The following TRHDE variants were observed in gnomAD, a reference collection of about 807,000 sequenced individuals.
TRHDE encodes the protein thyrotropin releasing hormone degrading enzyme.
In TRHDE, 72 loss-of-function variants were observed where a neutral mutation model predicts 125.7. The observed-to-expected ratio is 0.57, with a 90% CI of 0.47 to 0.70. The LOEUF is 0.70. Among genes scored for constraint, TRHDE ranks in the 30% least tolerant of loss-of-function variants. TRHDE has a pLI of 0.00. For synonymous variants in TRHDE, 509 were observed against 509.1 expected (o/e 1.00, Z 0.00); for missense variants, 1,110 against 1,327.1 (o/e 0.84, Z 2.54).
chr12:72,180,857 A>T (rs1176663940), intron 2 of TRHDE, among the ~76,000 whole-genome samples: 1 of 152,170 alleles, frequency 6.6e-6, no homozygotes, highest in South Asian at 2.1e-4. Context: ...TGATTCTTCA[A>T]TGACCCTGAC....
intron 3 of TRHDE, among the ~76,000 whole-genome samples, chr12:72,427,216 A>G (rs1874227623): frequency 6.6e-6 from 1 of 152,028 alleles, no homozygotes; most frequent in African/African-American, 2.4e-5. Context: ...TGATCTAGAC[A>G]GTAGTATTAC....
At chr12:72,209,860 TGC>T (rs1360848698) in intron 2 of TRHDE, among the ~76,000 whole-genome samples, 1 of 152,236 alleles carries the variant, frequency 6.6e-6, no homozygotes, top group Non-Finnish European at 1.5e-5. Context: ...TGTTTTCTGA[TGC>T]ATTTATGCAA....
chr12:72,454,503 T>C (rs550813266), intron 3 of TRHDE, among the ~76,000 whole-genome samples: 2 of 152,288 alleles, frequency 1.3e-5, no homozygotes, highest in East Asian at 3.9e-4. Flanking sequence ...CCTTGATACA[T>C]GAACAGAAGA....
intron 2 of TRHDE, among the ~76,000 whole-genome samples, chr12:72,139,105 A>T (rs1045817089): frequency 1.3e-5 from 2 of 152,214 alleles, no homozygotes; most frequent in African/African-American, 4.8e-5. Flanking sequence ...GTACCTGGTA[A>T]TATATTAGGA....
chr12:72,383,470 G>A (rs753309051), intron 3 of TRHDE, among the ~76,000 whole-genome samples: 37 of 143,334 alleles, frequency 2.6e-4, no homozygotes, highest in African/African-American at 7.2e-4. Flanking sequence ...TCCGCCTTCC[G>A]GGTTCAGCTG....
chr12:72,373,172 C>T (rs1258983899), intron 2 of TRHDE, among the ~76,000 whole-genome samples: 1 of 152,132 alleles, frequency 6.6e-6, no homozygotes, highest in African/African-American at 2.4e-5. Context: ...GGAGTTCACT[C>T]ATGATTTGGC....
intron 2 of TRHDE, among the ~76,000 whole-genome samples, chr12:72,150,548 C>A (rs531111687): frequency 4.7e-5 from 5 of 107,518 alleles, no homozygotes; most frequent in South Asian, 7.6e-4. Flanking sequence ...TCCCTCCCCC[C>A]ACCCCCCACC....
rs1348471310 is a variant in TRHDE, at chr12:72,664,568, C to T, written c.*1373C>T. The T allele has an allele frequency of 6.6e-6, 1 of 152,118 alleles. No individual in the cohort carries two copies. Among genetic ancestry groups the T allele is most frequent in the African/African-American group, 2.4e-5 (1 of 41,422 alleles). 9.4% of individuals were successfully genotyped at this position (152,118 alleles called of 1,614,324 possible). A position where few individuals can be genotyped will look rare whatever the true frequency, so the allele number is the denominator to read the frequency against. On this transcript the variant is annotated 3_prime_UTR_variant, in exon 19 of 19. Coordinates refer to ENST00000261180, the MANE Select transcript of TRHDE (RefSeq NM_013381.3). ...CAAATGTTTTTAAATGGTATTCTCA[C>T]CCAGTAGGCCAGCTCTCCAAACGTT...
intron 2 of TRHDE, among the ~76,000 whole-genome samples, chr12:72,317,533 T>C (rs1326577026): frequency 6.6e-6 from 1 of 152,178 alleles, no homozygotes; most frequent in African/African-American, 2.4e-5. Context: ...GTTGCTGTGT[T>C]CTCATAGCAA....
intron 15 of TRHDE, among the ~76,000 whole-genome samples, chr12:72,628,482 C>A (rs1168894552): frequency 1.3e-5 from 2 of 151,816 alleles, no homozygotes; most frequent in African/African-American, 4.8e-5. Flanking sequence ...AGAATCCGTA[C>A]TGAAACAAGA....
At chr12:72,245,890 TA>T (rs1257420793) in intron 2 of TRHDE, among the ~76,000 whole-genome samples, 1 of 152,126 alleles carries the variant, frequency 6.6e-6, no homozygotes, top group African/African-American at 2.4e-5. Context: ...TTAGTCAAGG[TA>T]TTTTTTATAC....
At chr12:72,091,746 A>T (rs1395224121) in intron 1 of TRHDE, among the ~76,000 whole-genome samples, 1 of 152,188 alleles carries the variant, frequency 6.6e-6, no homozygotes, top group African/African-American at 2.4e-5. Flanking sequence ...CCCAGAAGGA[A>T]TGCTGAGGGC....
intron 12 of TRHDE, among the ~76,000 whole-genome samples, chr12:72,608,496 T>A (rs1440575931): frequency 6.6e-6 from 1 of 152,174 alleles, no homozygotes; most frequent in Non-Finnish European, 1.5e-5. Flanking sequence ...AAACAGCCTC[T>A]GTAGGCCAGA....
intron 3 of TRHDE, among the ~76,000 whole-genome samples, chr12:72,383,011 T>A (rs953709677): frequency 1.3e-5 from 2 of 152,238 alleles, no homozygotes; most frequent in Admixed American, 1.3e-4. Flanking sequence ...AAGACACTCC[T>A]GTATCATTGA....
At chr12:72,631,920 G>T (rs1873512791) in intron 15 of TRHDE, among the ~76,000 whole-genome samples, 2 of 151,970 alleles carry the variant, frequency 1.3e-5, no homozygotes, top group South Asian at 4.1e-4. Flanking sequence ...GTTCATTAGA[G>T]ATTAAGGTAA....
At chr12:72,247,913 GTATC>G (rs558370611) in intron 2 of TRHDE, among the ~76,000 whole-genome samples, 100 of 152,162 alleles carry the variant, frequency 6.6e-4, no homozygotes, top group Non-Finnish European at 9.7e-4. Flanking sequence ...ATGAATGTAT[GTATC>G]TATCTATTAT....
intron 3 of TRHDE, among the ~76,000 whole-genome samples, chr12:72,441,212 C>T (rs761530762): frequency 3.3e-5 from 5 of 151,358 alleles, no homozygotes; most frequent in Non-Finnish European, 5.9e-5. Flanking sequence ...TTTATTTTTG[C>T]TGGTGTTTTG....
intron 3 of TRHDE, among the ~76,000 whole-genome samples, chr12:72,468,023 C>T (rs1876467254): frequency 6.6e-6 from 1 of 152,152 alleles, no homozygotes; most frequent in South Asian, 2.1e-4. Flanking sequence ...TTATTAAAAA[C>T]ATCACTATTT....
intron 6 of TRHDE, among the ~76,000 whole-genome samples, chr12:72,513,841 C>T (rs1407255121): frequency 1.3e-5 from 2 of 151,914 alleles, no homozygotes; most frequent in South Asian, 2.1e-4. Context: ...GGAGGCCTCC[C>T]ATAAAGCCAG....
Sources: allele counts gnomAD v4.1 joint callset (sites outside exome capture counted in the v4.1 genomes callset), GRCh38; gene constraint gnomAD v4.1.1; transcripts MANE v1.5; gene names NCBI Gene and HGNC (gene_info 2026-07-23, HGNC 2026-07-21).